MNAT1: variants seen among roughly 807,000 people sequenced by gnomAD.
MNAT1 encodes the protein CDK-activating kinase assembly factor MAT1.
MNAT1 carries 43 observed loss-of-function variants against 42.0 expected under a neutral mutation model. That is an observed-to-expected ratio of 1.02 (90% CI 0.80 to 1.32). MNAT1 has a LOEUF of 1.32. Among genes scored for constraint, MNAT1 ranks in the 40% most tolerant of loss-of-function variants. The pLI, the probability that MNAT1 is intolerant of heterozygous loss-of-function variation, is 0.00. For missense variants in MNAT1, 306 were observed against 350.4 expected (o/e 0.87, Z 1.01); for synonymous variants, 118 against 120.0 (o/e 0.98, Z 0.11).
At chr14:60,736,917 A>G (rs1166008056) in intron 1 of MNAT1, among the ~76,000 whole-genome samples, 1 of 152,204 alleles carries the variant, frequency 6.6e-6, no homozygotes, top group Non-Finnish European at 1.5e-5. Flanking sequence ...ATAAGCAGAA[A>G]TAAAATTAAA....
chr14:60,736,076 T>A (rs2140279326), intron 1 of MNAT1, among the ~76,000 whole-genome samples: 1 of 152,338 alleles, frequency 6.6e-6, no homozygotes, highest in Non-Finnish European at 1.5e-5. Flanking sequence ...CTAATTGATC[T>A]TTATTTTCCT....
chr14:60,961,856 T>C (rs1218332110), intron 7 of MNAT1, among the ~76,000 whole-genome samples: 1 of 152,220 alleles, frequency 6.6e-6, no homozygotes, highest in Non-Finnish European at 1.5e-5. Context: ...ATGAAAATTC[T>C]GGCACATAGC....
At chr14:60,900,242 G>A (rs919756848) in intron 7 of MNAT1, among the ~76,000 whole-genome samples, 1 of 152,172 alleles carries the variant, frequency 6.6e-6, no homozygotes. Flanking sequence ...AGCAAGATAT[G>A]TCAAAAACCA....
intron 1 of MNAT1, among the ~76,000 whole-genome samples, chr14:60,773,217 G>A (rs1038008538): frequency 3.3e-5 from 5 of 152,108 alleles, no homozygotes; most frequent in African/African-American, 4.8e-5. Context: ...GATTACAGGC[G>A]TGAGCCACCA....
chr14:60,911,743 A>T (rs550366604), intron 7 of MNAT1, among the ~76,000 whole-genome samples: 1 of 152,144 alleles, frequency 6.6e-6, no homozygotes, highest in Non-Finnish European at 1.5e-5. Context: ...ACTTCCAACT[A>T]TGTGGTCAGT....
intron 4 of MNAT1, among the ~76,000 whole-genome samples, chr14:60,811,456 C>A (rs1263869977): frequency 6.6e-6 from 1 of 151,884 alleles, no homozygotes; most frequent in Non-Finnish European, 1.5e-5. Context: ...GCATGTGCCA[C>A]CATGCCTGAC....
chr14:60,737,231 A>T (rs1401706887), intron 1 of MNAT1, among the ~76,000 whole-genome samples: 1 of 152,146 alleles, frequency 6.6e-6, no homozygotes, highest in Non-Finnish European at 1.5e-5. Context: ...TATTAAGTGA[A>T]AGGTAAAAAT....
At chr14:60,863,495 A>G (rs1032241986) in intron 6 of MNAT1, among the ~76,000 whole-genome samples, 1 of 152,152 alleles carries the variant, frequency 6.6e-6, no homozygotes, top group Non-Finnish European at 1.5e-5. Context: ...ACTTTTATCA[A>G]GTAATTTTCA....
In MNAT1 at chr14:60,798,159, T is replaced by C. The variant is rs755499243; in HGVS notation, c.315T>C (p.Ile105=). The change falls in exon 3 of 8, where the codon ATT becomes ATC. Residue 105 remains isoleucine, a splice_region_variant and synonymous_variant. Transcript: ENST00000261245. ...YNDFLEEVEE[I]VFNLTNNVDL... ...ATTTCTTGGAAGAAGTGGAAGAAAT[T>C]GGTACGTTTTTAATTTGATGTATGC... 11 of 1,488,312 alleles carry C rather than the reference T, an allele frequency of 7.4e-6. No homozygotes were observed. The East Asian group carries it at 2.3e-4, about 31-fold the overall frequency. The allele number at this position is 1,488,312 out of a possible 1,614,324, so 92.2% of individuals were successfully genotyped here. A position where few individuals can be genotyped will look rare whatever the true frequency, so the allele number is the denominator to read the frequency against.
At chr14:60,856,464 A>G (rs1274539438) in intron 6 of MNAT1, among the ~76,000 whole-genome samples, 2 of 152,230 alleles carry the variant, frequency 1.3e-5, no homozygotes, top group Non-Finnish European at 2.9e-5. Flanking sequence ...ATTTAAGGAA[A>G]GATGCCATTT....
chr14:60,881,223 C>T (rs768151312), intron 7 of MNAT1, among the ~76,000 whole-genome samples: 8 of 152,112 alleles, frequency 5.3e-5, no homozygotes, highest in Non-Finnish European at 7.4e-5. Context: ...CTCACTTTGT[C>T]ACCCAGGCTG....
chr14:60,827,046 G>A (rs2033076769), intron 6 of MNAT1, among the ~76,000 whole-genome samples: 1 of 152,050 alleles, frequency 6.6e-6, no homozygotes, highest in African/African-American at 2.4e-5. Flanking sequence ...TTGCTTGTTT[G>A]CAAACTGAAA....
intron 6 of MNAT1, among the ~76,000 whole-genome samples, chr14:60,864,144 G>A (rs181411603): frequency 6.6e-6 from 1 of 152,012 alleles, no homozygotes; most frequent in African/African-American, 2.4e-5. Context: ...GAAAAATTGA[G>A]TGTAAATATT....
chr14:60,781,753 T>A (rs1404272087), intron 1 of MNAT1, among the ~76,000 whole-genome samples: 4 of 152,172 alleles, frequency 2.6e-5, no homozygotes, highest in African/African-American at 9.6e-5. Flanking sequence ...TAGTCATTTG[T>A]TCATAGGGGA....
intron 7 of MNAT1, among the ~76,000 whole-genome samples, chr14:60,943,119 A>G (rs954191285): frequency 7.1e-6 from 1 of 140,216 alleles, no homozygotes; most frequent in Non-Finnish European, 1.5e-5. Flanking sequence ...CAGTGCCGCA[A>G]TTTTGGCTCA....
At chr14:60,936,731 G>A (rs540815233) in intron 7 of MNAT1, among the ~76,000 whole-genome samples, 85 of 152,260 alleles carry the variant, frequency 5.6e-4, no homozygotes, top group African/African-American at 1.9e-3. Flanking sequence ...AATCCTTTGG[G>A]TATATACCCA....
chr14:60,773,137 C>G (rs1311017894), intron 1 of MNAT1, among the ~76,000 whole-genome samples: 1 of 152,026 alleles, frequency 6.6e-6, no homozygotes, highest in Non-Finnish European at 1.5e-5. Context: ...GGGGGTTTCA[C>G]CATGTTGGCC....
intron 3 of MNAT1, among the ~76,000 whole-genome samples, chr14:60,805,485 A>G (rs1040694120): frequency 6.6e-6 from 1 of 152,212 alleles, no homozygotes; most frequent in African/African-American, 2.4e-5. Flanking sequence ...TGACAAACGT[A>G]TAATAATGTG....
intron 7 of MNAT1, among the ~76,000 whole-genome samples, chr14:60,914,173 A>C (rs990389954): frequency 1.5e-4 from 23 of 152,194 alleles, no homozygotes; most frequent in African/African-American, 5.6e-4. Context: ...GCCTGTTGGA[A>C]GAGCGCAGTA....
Sources: allele counts gnomAD v4.1 joint callset (sites outside exome capture counted in the v4.1 genomes callset), GRCh38; gene constraint gnomAD v4.1.1; transcripts MANE v1.5; gene names NCBI Gene and HGNC (gene_info 2026-07-23, HGNC 2026-07-21).